PDE4B: variants seen among roughly 807,000 people sequenced by gnomAD.
The protein encoded by PDE4B is phosphodiesterase 4B.
PDE4B carries 20 observed loss-of-function variants against 82.2 expected under a neutral mutation model. The observed-to-expected ratio is 0.24, with a 90% CI of 0.17 to 0.35. The LOEUF is 0.35. PDE4B is among the 10% of genes least tolerant of loss of function. PDE4B has a pLI of 1.00. For missense variants in PDE4B, 655 were observed against 907.2 expected, an observed-to-expected ratio of 0.72 and a Z score of 3.57; for synonymous variants, 320 against 318.9, an observed-to-expected ratio of 1.00 and a Z score of -0.04.
chr1:66,369,327 C>G (rs897749358), intron 16 of PDE4B, among the ~76,000 whole-genome samples: 3 of 152,202 alleles, frequency 2.0e-5, no homozygotes, highest in Non-Finnish European at 2.9e-5. Context: ...AACTCTACTC[C>G]TCATCCTTGC....
At chr1:65,981,716 T>C (rs1209889788) in intron 3 of PDE4B, among the ~76,000 whole-genome samples, 2 of 152,114 alleles carry the variant, frequency 1.3e-5, no homozygotes, top group Non-Finnish European at 2.9e-5. Flanking sequence ...AAAGGGGGTA[T>C]TATAAGGTTA....
intron 3 of PDE4B, among the ~76,000 whole-genome samples, chr1:66,243,784 T>C (rs1337617710): frequency 6.6e-6 from 1 of 152,062 alleles, no homozygotes; most frequent in Admixed American, 6.6e-5. Context: ...AGATGAGCAA[T>C]TGATTCAGTC....
intron 1 of PDE4B, among the ~76,000 whole-genome samples, chr1:65,859,223 A>G (rs1181971322): frequency 6.6e-6 from 1 of 152,104 alleles, no homozygotes; most frequent in Non-Finnish European, 1.5e-5. Flanking sequence ...TAATTGATAT[A>G]AGATATTCTA....
intron 3 of PDE4B, among the ~76,000 whole-genome samples, chr1:65,953,412 A>G (rs1357114828): frequency 1.3e-5 from 2 of 152,070 alleles, no homozygotes; most frequent in Non-Finnish European, 2.9e-5. Flanking sequence ...TGGTGATCCT[A>G]GATAATCTAG....
intron 1 of PDE4B, among the ~76,000 whole-genome samples, chr1:65,820,458 C>T (rs1232177041): frequency 6.6e-6 from 1 of 152,166 alleles, no homozygotes; most frequent in Middle Eastern, 3.2e-3. Context: ...ATTGCTTTCT[C>T]ACTAATGAGA....
At chr1:66,279,669 A>G (rs12060491) in intron 7 of PDE4B, among the ~76,000 whole-genome samples, 31,197 of 152,184 alleles carry the variant, frequency 0.2, 3,685 homozygotes, top group East Asian at 0.41. Context: ...GGTCCTCTAC[A>G]GAAACAGAAT....
chr1:65,963,231 G>C (rs1285630856), intron 3 of PDE4B, among the ~76,000 whole-genome samples: 1 of 152,024 alleles, frequency 6.6e-6, no homozygotes, highest in Non-Finnish European at 1.5e-5. Flanking sequence ...TTTGAACCTT[G>C]CAACTCCAAA....
At chr1:66,073,238 G>A (rs1023719859) in intron 3 of PDE4B, among the ~76,000 whole-genome samples, 3 of 152,074 alleles carry the variant, frequency 2.0e-5, no homozygotes, top group Non-Finnish European at 4.4e-5. Flanking sequence ...ATGTCACCTA[G>A]TACTTAAGAG....
chr1:66,211,082 G>T (rs1053544999), intron 3 of PDE4B, among the ~76,000 whole-genome samples: 3 of 152,188 alleles, frequency 2.0e-5, no homozygotes, highest in African/African-American at 7.2e-5. Flanking sequence ...GAGCACAGCA[G>T]GGCAGGGTAT....
At chr1:65,950,882 T>G (rs1008213794) in intron 3 of PDE4B, among the ~76,000 whole-genome samples, 1 of 152,110 alleles carries the variant, frequency 6.6e-6, no homozygotes, top group Non-Finnish European at 1.5e-5. Context: ...TACAGAGCTA[T>G]TAGGAACTAT....
At chr1:65,834,808 A>G (rs554800656) in intron 1 of PDE4B, among the ~76,000 whole-genome samples, 1 of 152,182 alleles carries the variant, frequency 6.6e-6, no homozygotes, top group Non-Finnish European at 1.5e-5. Context: ...AAATCACACC[A>G]AAATCAATAG....
intron 3 of PDE4B, among the ~76,000 whole-genome samples, chr1:66,171,594 G>T (rs1217802040): frequency 2.0e-5 from 3 of 152,262 alleles, no homozygotes; most frequent in East Asian, 3.9e-4. Flanking sequence ...CAGCCTGGGT[G>T]GTGTGATGTT....
chr1:65,891,495 G>A (rs1485070166), intron 1 of PDE4B, among the ~76,000 whole-genome samples: 1 of 151,872 alleles, frequency 6.6e-6, no homozygotes, highest in Admixed American at 6.6e-5. Flanking sequence ...GATCTCATTG[G>A]TGTATCATCT....
chr1:65,816,755 G>A (rs1408664634), intron 1 of PDE4B, among the ~76,000 whole-genome samples: 2 of 152,070 alleles, frequency 1.3e-5, no homozygotes, highest in African/African-American at 2.4e-5. Flanking sequence ...ATATGATACA[G>A]TATAAATTAG....
intron 1 of PDE4B, among the ~76,000 whole-genome samples, chr1:65,884,346 G>A (rs1221020731): frequency 4.6e-5 from 7 of 152,110 alleles, no homozygotes; most frequent in African/African-American, 1.4e-4. Context: ...CCTGTTATTG[G>A]TCTATTCAGG....
At chr1:66,156,548 G>A (rs999558216) in intron 3 of PDE4B, among the ~76,000 whole-genome samples, 24 of 151,768 alleles carry the variant, frequency 1.6e-4, no homozygotes, top group African/African-American at 5.1e-4. Context: ...CACTGGGTAA[G>A]CATTCTCTAA....
intron 3 of PDE4B, among the ~76,000 whole-genome samples, chr1:66,053,866 AAAT>A (rs982380434): frequency 6.6e-6 from 1 of 152,066 alleles, no homozygotes; most frequent in Non-Finnish European, 1.5e-5. Context: ...TCTCAATTAA[AAAT>A]AATAATAATA....
chr1:65,967,658 G>C (rs1357567318), intron 3 of PDE4B, among the ~76,000 whole-genome samples: 2 of 152,122 alleles, frequency 1.3e-5, no homozygotes, highest in African/African-American at 4.8e-5. Flanking sequence ...AGAAAATGTG[G>C]CTCATATACA....
chr1:66,267,770 A>G (rs1655161570), intron 7 of PDE4B, among the ~76,000 whole-genome samples: 1 of 152,254 alleles, frequency 6.6e-6, no homozygotes, highest in Non-Finnish European at 1.5e-5. Context: ...CTACGTAATT[A>G]CGGGTTTCAA....
Sources: gnomAD v4.1 joint callset for allele counts (sites outside exome capture counted in the v4.1 genomes callset) on GRCh38, gnomAD v4.1.1 for gene constraint, MANE v1.5 for transcripts, NCBI Gene and HGNC (gene_info 2026-07-23, HGNC 2026-07-21) for gene names.